The following SLC24A4 variants were observed in gnomAD, a reference collection of about 807,000 sequenced individuals.
SLC24A4 encodes solute carrier family 24 member 4.
Under a neutral mutation model 79.0 loss-of-function variants are expected in SLC24A4, and 53 were observed. The ratio of observed to expected loss-of-function variants is 0.67; its 90% CI spans 0.54 to 0.84. The LOEUF (loss-of-function observed/expected upper bound fraction) is 0.84. SLC24A4 is among the 40% of genes least tolerant of loss of function. The pLI, the probability that SLC24A4 is intolerant of heterozygous loss-of-function variation, is 0.00. For synonymous variants in SLC24A4, 323 were observed against 323.8 expected (o/e 1.00, Z 0.03); for missense variants, 731 against 822.0 (o/e 0.89, Z 1.35).
At chr14:92,448,823 A>T (rs1356027325) in intron 9 of SLC24A4, among the ~76,000 whole-genome samples, 6 of 152,160 alleles carry the variant, frequency 3.9e-5, no homozygotes, top group Non-Finnish European at 8.8e-5. Context: ...CTTAGGTGAA[A>T]GTTCTCTCAT....
intron 1 of SLC24A4, among the ~76,000 whole-genome samples, chr14:92,325,121 A>G (rs1362864100): frequency 6.6e-6 from 1 of 152,202 alleles, no homozygotes; most frequent in Admixed American, 6.5e-5. Context: ...CAACATACCT[A>G]GAGGCTCTTA....
Position 92,490,087 on chromosome 14 carries a change from C to CT in SLC24A4, c.1538-1577dup, listed in dbSNP as rs1895599630. ...AACAAGCAGGGGAGGAGGAGGTGAC[C>CT]TAGCTATGCAACATGGGCGGGCTGG... is the stretch of plus-strand genomic sequence containing the variant. On this transcript the variant is annotated intron_variant, in intron 14 of 16. Transcript: ENST00000532405. The surrounding 1 kb of genome is among the most constrained non-coding windows in gnomAD (Gnocchi z 4.3). Among the ~76,000 whole-genome samples the CT allele has an allele frequency of 1.3e-5, 2 of 152,134 alleles. No homozygotes were observed. Among genetic ancestry groups the CT allele is most frequent in the South Asian group, 4.1e-4 (2 of 4,826 alleles).
intron 12 of SLC24A4, chr14:92,462,280 G>A (rs2139866744): frequency 6.6e-6 from 1 of 152,338 alleles, no homozygotes; most frequent in South Asian, 2.1e-4. Flanking sequence ...AAGAAACGAT[G>A]GGATAAGTGT....
rs565504597 is a variant in SLC24A4 at position 92,426,145 on chromosome 14, CTCAG to C, written c.242-7764_242-7761del. On this transcript the variant is annotated intron_variant, in intron 2 of 16. Transcript: ENST00000532405. ...GCCCTAAATCAAACAGGATTTGTGT[CTCAG>C]TCTGTTTAGTGTTACTAAAAAGGAA... Among the ~76,000 whole-genome samples, 484 of 152,174 alleles carry C rather than the reference CTCAG, an allele frequency of 3.2e-3. 3 individuals are homozygous for C. Among genetic ancestry groups the C allele is most frequent in the Non-Finnish European group, 4.8e-3 (327 of 68,012 alleles).
At position 92,492,231 on chromosome 14, in the gene SLC24A4, C is replaced by T. The variant is rs747957961; in HGVS notation, c.1707C>T (p.Val569=). Residue 569 remains valine (V), a synonymous_variant, in exon 16 of 17, where the codon GTC becomes GTT. Transcript: ENST00000532405. The stretch of plus-strand genomic sequence containing the variant: ...CCGTGGTCCTGTTGCTGGGCTCTGT[C>T]GCTCTCACCGTGAGTCTTTACAATT... The part of the protein sequence containing the change: ...VYSVVLLLGS[V]ALTVLGIHLN... 4.3e-6 allele frequency: 7 copies of T among 1,613,902 alleles called. No individual in the cohort carries two copies. The highest frequency in any genetic ancestry group is 2.7e-5 in the African/African-American group (2 of 74,896).
rs983865473 is a variant in SLC24A4 at position 92,480,700 on chromosome 14, A to G, written c.1256-1980A>G. 3.9e-5 allele frequency among the ~76,000 whole-genome samples: 6 copies of G among 151,990 alleles called. 1 individual carries two copies. Among genetic ancestry groups the G allele is most frequent in the East Asian group, 3.9e-4 (2 of 5,182 alleles). Reference sequence around the variant, plus strand: ...ACATTTTTTTGATTCATCTCAAAGTATTTTCTAATTTTTTTGTGCTTTCTT... The same window carrying G: ...ACATTTTTTTGATTCATCTCAAAGTGTTTTCTAATTTTTTTGTGCTTTCTT... On this transcript the variant is annotated intron_variant, in intron 12 of 16. Coordinates refer to ENST00000532405, the MANE Select transcript of SLC24A4 (RefSeq NM_153646.4).
At chr14:92,342,319 G>T (rs997452880) in intron 2 of SLC24A4, among the ~76,000 whole-genome samples, 53 of 151,224 alleles carry the variant, frequency 3.5e-4, no homozygotes, top group African/African-American at 1.2e-3. Flanking sequence ...TGTGGGGGGG[G>T]GGTCTCCATT....
At chr14:92,330,238 C>T (rs1426619655) in intron 2 of SLC24A4, among the ~76,000 whole-genome samples, 1 of 151,926 alleles carries the variant, frequency 6.6e-6, no homozygotes, top group Non-Finnish European at 1.5e-5. Context: ...GGTAGGTGTT[C>T]AATAAATATT....
chr14:92,326,579 C>T (rs943504582), intron 2 of SLC24A4, among the ~76,000 whole-genome samples: 2 of 152,198 alleles, frequency 1.3e-5, no homozygotes, highest in African/African-American at 2.4e-5. Context: ...GACATCTTGT[C>T]TGTTCTCCTG....
intron 2 of SLC24A4, among the ~76,000 whole-genome samples, chr14:92,418,167 A>G (rs1027813535): frequency 6.6e-6 from 1 of 152,202 alleles, no homozygotes; most frequent in Non-Finnish European, 1.5e-5. Context: ...GATTTGGTCT[A>G]GGAAGAGAGG....
intron 2 of SLC24A4, among the ~76,000 whole-genome samples, chr14:92,403,662 G>A (rs902073951): frequency 6.6e-5 from 10 of 150,932 alleles, no homozygotes; most frequent in African/African-American, 1.7e-4. Flanking sequence ...TCTGTAACCC[G>A]GACCTCAGAA....
At chr14:92,470,633 C>T (rs1225694784) in intron 12 of SLC24A4, among the ~76,000 whole-genome samples, 7 of 152,066 alleles carry the variant, frequency 4.6e-5, no homozygotes, top group African/African-American at 1.7e-4. Flanking sequence ...TTGATGTTTG[C>T]GTGTCAATCG....
chr14:92,474,843 G>GTGTATATATATATA (rs779007741), intron 12 of SLC24A4, among the ~76,000 whole-genome samples: 2 of 23,886 alleles, frequency 8.4e-5, no homozygotes, highest in South Asian at 1.5e-3. Flanking sequence ...GTGTGTGTGT[G>GTGTATATATATATA]TATATATATA....
At chr14:92,393,365 G>A (rs1478534259) in intron 2 of SLC24A4, among the ~76,000 whole-genome samples, 1 of 152,146 alleles carries the variant, frequency 6.6e-6, no homozygotes, top group Admixed American at 6.6e-5. Flanking sequence ...CTAAGGCACA[G>A]TTGCTGCGTG....
rs77815442 is a variant in SLC24A4, at chr14:92,475,123, C to T, written c.1256-7557C>T. On this transcript the variant is annotated intron_variant, in intron 12 of 16. Transcript: ENST00000532405. Reference sequence around the variant, plus strand: ...CAAGTCCCCAGTGTACTGTTGTCACCCCCATTTTACAGTAAGGAAATAAGG... The same window carrying T: ...CAAGTCCCCAGTGTACTGTTGTCACTCCCATTTTACAGTAAGGAAATAAGG... 5.8e-3 allele frequency among the ~76,000 whole-genome samples: 878 copies of T among 151,804 alleles called. 5 individuals are homozygous for T. Among genetic ancestry groups the T allele is most frequent in the African/African-American group, 0.02 (831 of 41,334 alleles).
intron 12 of SLC24A4, among the ~76,000 whole-genome samples, chr14:92,480,684 T>A (rs961458182): frequency 6.6e-6 from 1 of 152,234 alleles, no homozygotes; most frequent in Admixed American, 6.5e-5. Context: ...TACATTTTTT[T>A]GATTCATCTC....
chr14:92,379,922 A>C (rs954017186), intron 2 of SLC24A4, among the ~76,000 whole-genome samples: 2 of 151,138 alleles, frequency 1.3e-5, no homozygotes, highest in African/African-American at 2.4e-5. Context: ...CTCCACCCTC[A>C]CCTGCCGTGT....
At chr14:92,473,576 G>T (rs906043150) in intron 12 of SLC24A4, among the ~76,000 whole-genome samples, 1 of 152,206 alleles carries the variant, frequency 6.6e-6, no homozygotes, top group Non-Finnish European at 1.5e-5. Flanking sequence ...CTTGGTTTCA[G>T]CAGGAAAGGG....
At position 92,346,751 on chromosome 14, in the gene SLC24A4, A is replaced by G. The variant is rs140354659; in HGVS notation, c.241+20773A>G. Among the ~76,000 whole-genome samples, 147 of 152,322 alleles carry G rather than the reference A, an allele frequency of 9.7e-4. 2 individuals are homozygous for G. The highest frequency in any genetic ancestry group is 3.1e-3 in the African/African-American group (128 of 41,568). ...CTGGGCAACTTTTAAAAATGCTGAT[A>G]CTGAGGCTGTGACCCAGACAGATTA... is the stretch of plus-strand genomic sequence containing the variant. On this transcript the variant is annotated intron_variant, in intron 2 of 16. Transcript: ENST00000532405.
Sources: allele counts gnomAD v4.1 joint callset (sites outside exome capture counted in the v4.1 genomes callset), GRCh38; gene constraint gnomAD v4.1.1; non-coding constraint Gnocchi (gnomAD v3.1); transcripts MANE v1.5; gene names NCBI Gene and HGNC (gene_info 2026-07-23, HGNC 2026-07-21).